IGHMBP2: variants seen among roughly 807,000 people sequenced by gnomAD.
The protein encoded by IGHMBP2 is DNA-binding protein SMUBP-2.
In IGHMBP2, 81 loss-of-function variants were observed where a neutral mutation model predicts 96.0. The ratio of observed to expected loss-of-function variants is 0.84; its 90% CI spans 0.71 to 1.01. The LOEUF is 1.01. Ranked by LOEUF, IGHMBP2 falls within the 50% of genes least tolerant of loss-of-function variation. The pLI is 0.00. For missense variants in IGHMBP2, 1,227 were observed against 1,306.3 expected (o/e 0.94, Z 0.94); for synonymous variants, 557 against 548.9 (o/e 1.01, Z -0.21).
At position 68,908,270 on chromosome 11, in the gene IGHMBP2, T is replaced by C; in HGVS notation, c.382T>C (p.Leu128=). The C allele has an allele frequency of 6.2e-7, 1 of 1,614,152 alleles. No homozygotes were observed. Among genetic ancestry groups the C allele is most frequent in the Non-Finnish European group, 8.5e-7 (1 of 1,180,020 alleles). Residue 128 remains leucine, a synonymous_variant, in exon 3 of 15, where the codon TTG becomes CTG. Transcript: ENST00000255078. ...TGAGTCCCACGATTTCCAGTTGAGC[T>C]TGGACCGAGAGAATTCCTACAGACT... The part of the protein sequence containing the change: ...FDESHDFQLS[L]DRENSYRLLK...
chr11:68,930,362 GGAA>G (rs1859241279), intron 8 of IGHMBP2: 4 of 1,289,674 alleles, frequency 3.1e-6, no homozygotes, highest in African/African-American at 3.0e-5. Context: ...TCCGAGGACC[GGAA>G]GAAGATGTGC....
rs151079750 is a variant in IGHMBP2, at chr11:68,936,288, G to A, written c.1808G>A (p.Arg603His). The A allele has an allele frequency of 1.2e-5, 19 of 1,614,042 alleles. No homozygotes were observed. The highest frequency in any genetic ancestry group is 1.4e-5 in the Non-Finnish European group (17 of 1,179,996). The change falls in exon 13 of 15, where the codon CGT becomes CAT. Residue 603 changes from arginine to histidine, a missense_variant. Physicochemically the swap from Arg to His is conservative, Grantham distance 29. Coordinates refer to ENST00000255078, the MANE Select transcript of IGHMBP2 (RefSeq NM_002180.3). ...EDRRINVAVTRARRHVAVICD... is the reference protein window; with the variant it reads ...EDRRINVAVTHARRHVAVICD... Reference sequence around the variant, plus strand: ...CGGAGGATCAACGTGGCTGTCACCCGTGCCCGACGCCACGTGGCGGTCATC... The same window carrying A: ...CGGAGGATCAACGTGGCTGTCACCCATGCCCGACGCCACGTGGCGGTCATC...
At position 68,911,480 on chromosome 11, in the gene IGHMBP2, G is replaced by T. The variant is rs1280728139; in HGVS notation, c.588G>T (p.Gln196His). 1 of 1,614,142 alleles carries T rather than the reference G, an allele frequency of 6.2e-7. No individual in the cohort carries two copies. Among genetic ancestry groups the T allele is most frequent in the Non-Finnish European group, 8.5e-7 (1 of 1,180,024 alleles). ...TFFNTCLDTS[Q>H]KEAVLFALSQ... Reference sequence around the variant, plus strand: ...TCAACACCTGCCTGGACACCTCCCAGAAAGAAGCGGTTTTATTTGCGCTGT... The same window carrying T: ...TCAACACCTGCCTGGACACCTCCCATAAAGAAGCGGTTTTATTTGCGCTGT... Residue 196 changes from glutamine (Q) to histidine (H), a missense_variant, in exon 5 of 15, where the codon CAG becomes CAT. Physicochemically the swap from Gln to His is conservative, Grantham distance 24. Around this residue, in one of 3 missense-constraint regions of IGHMBP2, gnomAD observed 507 missense variants for 496.9 expected, o/e 1.02. Coordinates refer to ENST00000255078, the MANE Select transcript of IGHMBP2 (RefSeq NM_002180.3).
intron 5 of IGHMBP2, among the ~76,000 whole-genome samples, chr11:68,914,432 C>A (rs1858567786): frequency 6.6e-6 from 1 of 152,218 alleles, no homozygotes; most frequent in African/African-American, 2.4e-5. Flanking sequence ...TCTTCAGTGT[C>A]CTGCTGCTCA....
chr11:68,933,295 G>T lies in IGHMBP2; in HGVS notation c.1236-4G>T, dbSNP rs746867102. On this transcript the variant is annotated splice_region_variant and splice_polypyrimidine_tract_variant and intron_variant, in intron 8 of 14. Transcript: ENST00000255078. ...CCTTCCCCCTTTCTCCCTCCTGGGCGCAGGGCTGCGCTGGCAGGACTGTCA... is the reference window on the plus strand; with the variant it reads ...CCTTCCCCCTTTCTCCCTCCTGGGCTCAGGGCTGCGCTGGCAGGACTGTCA... 1 of 1,611,184 alleles carries T rather than the reference G, an allele frequency of 6.2e-7. No individual in the cohort carries two copies. Among genetic ancestry groups the T allele is most frequent in the Non-Finnish European group, 8.5e-7 (1 of 1,179,300 alleles).
In IGHMBP2 at chr11:68,935,430, G is replaced by T. The variant is rs1441125557; in HGVS notation, c.1756+8G>T. On this transcript the variant is annotated splice_region_variant and intron_variant, in intron 12 of 14. Coordinates refer to ENST00000255078, the MANE Select transcript of IGHMBP2 (RefSeq NM_002180.3). ...TCAGATCCAACAGGAAAGGTACGGA[G>T]CCCTCGCCAGAGTCCTTTGGGGACA... 2.5e-5 allele frequency: 41 copies of T among 1,613,794 alleles called. No individual in the cohort carries two copies. Among genetic ancestry groups the T allele is most frequent in the Non-Finnish European group, 3.2e-5 (38 of 1,180,014 alleles).
At chr11:68,919,713 C>T (rs1743438033) in intron 7 of IGHMBP2, among the ~76,000 whole-genome samples, 1 of 152,094 alleles carries the variant, frequency 6.6e-6, no homozygotes, top group Non-Finnish European at 1.5e-5. Flanking sequence ...TCCTGCAGTT[C>T]TATTGGTTTT....
At chr11:68,933,640 G>A (rs1859404403) in intron 9 of IGHMBP2, 155 bp from the exon 10 acceptor site, 2 of 1,062,024 alleles carry the variant, frequency 1.9e-6, no homozygotes, top group Admixed American at 4.0e-5. Context: ...CTGGAGAGCT[G>A]GGTCAGGCCC....
At chr11:68,927,852 C>G (rs1220037431) in intron 7 of IGHMBP2, among the ~76,000 whole-genome samples, 5 of 152,142 alleles carry the variant, frequency 3.3e-5, no homozygotes, top group African/African-American at 9.7e-5. Context: ...TTCTGCACCC[C>G]CCGGGGCTGG....
intron 11 of IGHMBP2, 99 bp downstream of exon 11, chr11:68,934,657 A>G: frequency 1.1e-6 from 1 of 934,660 alleles, no homozygotes; most frequent in Non-Finnish European, 1.7e-6. Flanking sequence ...GGTGACCGAA[A>G]AGTTCAGGGG....
At chr11:68,923,696 G>A (rs1045795985) in intron 7 of IGHMBP2, among the ~76,000 whole-genome samples, 15 of 152,138 alleles carry the variant, frequency 9.9e-5, no homozygotes, top group Admixed American at 4.6e-4. Flanking sequence ...TTTTGAGTTT[G>A]ACTGGTGGGA....
chr11:68,922,922 C>T (rs1408184473), intron 7 of IGHMBP2, among the ~76,000 whole-genome samples: 1 of 152,162 alleles, frequency 6.6e-6, no homozygotes, highest in Non-Finnish European at 1.5e-5. Context: ...CATCTGACAT[C>T]CAGAAATAAG....
At position 68,930,985 on chromosome 11, in the gene IGHMBP2, A is replaced by G. The variant is rs116679834; in HGVS notation, c.1235+1628A>G. 5.1e-4 allele frequency among the ~76,000 whole-genome samples: 77 copies of G among 152,254 alleles called. No homozygotes were observed. In the Middle Eastern group the frequency reaches 0.01, roughly 20 times the overall value. On this transcript the variant is annotated intron_variant, in intron 8 of 14. Coordinates refer to ENST00000255078, the MANE Select transcript of IGHMBP2 (RefSeq NM_002180.3). ...TCAAGAGGGAAGGAAGGATGTGCCA[A>G]TTGGTCCATGGGTGGCCATGGGCGG...
intron 12 of IGHMBP2, 23 bp downstream of exon 12, chr11:68,935,445 C>T: frequency 6.2e-7 from 1 of 1,613,620 alleles, no homozygotes; most frequent in Non-Finnish European, 8.5e-7. Context: ...CGCCAGAGTC[C>T]TTTGGGGACA....
chr11:68,926,603 C>T (rs999684900), intron 7 of IGHMBP2, among the ~76,000 whole-genome samples: 1 of 152,008 alleles, frequency 6.6e-6, no homozygotes, highest in East Asian at 1.9e-4. Context: ...ATTCCTGTCT[C>T]TTTATTGATA....
At chr11:68,924,783 C>T (rs1009600590) in intron 7 of IGHMBP2, among the ~76,000 whole-genome samples, 2 of 152,186 alleles carry the variant, frequency 1.3e-5, no homozygotes. Context: ...GCCCCACCCA[C>T]ATTTGAGGGG....
rs780426627 is a variant in IGHMBP2, at chr11:68,933,887, A to G, written c.1511A>G (p.Glu504Gly). 6.3e-7 allele frequency: 1 copy of G among 1,599,566 alleles called. No homozygotes were observed. The highest frequency in any genetic ancestry group is 1.3e-5 in the African/African-American group (1 of 74,770). The stretch of plus-strand genomic sequence containing the variant: ...TGCGGGCTGTTTGAGCTGGAGGAGG[A>G]GGACGAACAGTCGAAAGGGAACCCT... ...AGCGLFELEE[E>G]DEQSKGNPGE... Residue 504 changes from glutamate to glycine, a missense_variant, in exon 10 of 15, where the codon GAG becomes GGG. Glu to Gly is a moderately conservative substitution (Grantham distance 98). Transcript: ENST00000255078.
chr11:68,936,664 C>T lies in IGHMBP2; in HGVS notation c.2184C>T (p.His728=). ...EGVESQDGVD[H]FRAMIVEFMA... ...TGGAGAGCCAAGATGGCGTGGACCA[C>T]TTCCGGGCCATGATAGTGGAGTTCA... The change falls in exon 13 of 15, where the codon CAC becomes CAT. Residue 728 remains histidine (H), a synonymous_variant. Coordinates refer to ENST00000255078, the MANE Select transcript of IGHMBP2 (RefSeq NM_002180.3). 6.2e-7 allele frequency: 1 copy of T among 1,614,016 alleles called. No individual in the cohort carries two copies. The highest frequency in any genetic ancestry group is 8.5e-7 in the Non-Finnish European group (1 of 1,180,010).
chr11:68,911,735 T>C, intron 5 of IGHMBP2, 132 bp downstream of exon 5: 2 of 880,464 alleles, frequency 2.3e-6, no homozygotes, highest in Non-Finnish European at 3.7e-6. Context: ...ATTTATTGAT[T>C]GAGCCTTGGA....
Sources: allele counts gnomAD v4.1 joint callset (sites outside exome capture counted in the v4.1 genomes callset), GRCh38; gene constraint gnomAD v4.1.1; regional missense constraint gnomAD v4.1.1; transcripts MANE v1.5; gene names NCBI Gene and HGNC (gene_info 2026-07-23, HGNC 2026-07-21).